Variants in ZNF517 observed in about 807,000 individuals in gnomAD.
ZNF517 encodes zinc finger protein 517.
Under a neutral mutation model 12.1 loss-of-function variants are expected in ZNF517, and 12 were observed. The observed-to-expected ratio is 0.99, with a 90% CI of 0.63 to 1.61. The LOEUF is 1.61. Among genes scored for constraint, ZNF517 ranks in the 40% most tolerant of loss-of-function variants. The pLI is 0.00. For synonymous variants in ZNF517, 388 were observed against 310.2 expected, an observed-to-expected ratio of 1.25 and a Z score of -2.63; for missense variants, 781 against 693.2, an observed-to-expected ratio of 1.13 and a Z score of -1.42.
At position 144,808,011 on chromosome 8, in the gene ZNF517, C is replaced by G; in HGVS notation, c.1095C>G (p.Asp365Glu). The G allele has an allele frequency of 1.3e-6, 2 of 1,575,764 alleles. No individual in the cohort carries two copies. Residue 365 changes from aspartate to glutamate, a missense_variant, in exon 5 of 5, where the codon GAC (aspartate) becomes GAG (glutamate). Physicochemically the swap from Asp to Glu is conservative, Grantham distance 45 (BLOSUM62 2). Coordinates refer to ENST00000359971, the MANE Select transcript of ZNF517 (RefSeq NM_213605.3). Reference protein sequence around the residue: ...LGAAQRPQAGDPPHECPVCGR... With the variant: ...LGAAQRPQAGEPPHECPVCGR... ...CTGCGCAGAGGCCCCAGGCGGGGGA[C>G]CCGCCCCACGAGTGCCCGGTGTGCG...
downstream of ZNF517, among the ~76,000 whole-genome samples, chr8:144,812,623 C>T (rs188476546): frequency 7.0e-4 from 107 of 152,342 alleles, no homozygotes; most frequent in Non-Finnish European, 1.4e-3. Flanking sequence ...CCGTGTCTCA[C>T]CAGGAGACTC....
At chr8:144,807,168 C>T in intron 4 of ZNF517, 23 bp from the exon 5 acceptor site, 1 of 1,513,620 alleles carries the variant, frequency 6.6e-7, no homozygotes, top group Non-Finnish European at 8.8e-7. Context: ...GATCATCCTT[C>T]CGTTTTCTGT....
intron 3 of ZNF517, 61 bp from the exon 4 acceptor site, chr8:144,804,064 C>G (rs1827103398): frequency 5.9e-6 from 9 of 1,515,618 alleles, no homozygotes; most frequent in African/African-American, 1.4e-5. Context: ...TCCAGCCAGG[C>G]ACCTGGGCGT....
In ZNF517 at chr8:144,807,574, C is replaced by T. The variant is rs376336312; in HGVS notation, c.658C>T (p.Leu220=). ...GAAGGCCTTCAAGCAAAGCTCCATCCTGCTGCGGCACCAGCTGATCCACAC... is the reference window on the plus strand; with the variant it reads ...GAAGGCCTTCAAGCAAAGCTCCATCTTGCTGCGGCACCAGCTGATCCACAC... The part of the protein sequence containing the change: ...CGKAFKQSSI[L]LRHQLIHTEE... The change falls in exon 5 of 5, where the codon CTG becomes TTG. Residue 220 remains leucine (L), a synonymous_variant. Coordinates refer to ENST00000359971, the MANE Select transcript of ZNF517 (RefSeq NM_213605.3). The T allele has an allele frequency of 3.4e-5, 55 of 1,602,176 alleles. 1 individual carries two copies. Among genetic ancestry groups the T allele is most frequent in the Middle Eastern group, 3.3e-4 (2 of 6,074 alleles).
chr8:144,798,961 CG>C (rs1259810693), intron 1 of ZNF517, 24 bp downstream of exon 1: 1 of 152,026 alleles, frequency 6.6e-6, no homozygotes, highest in Non-Finnish European at 1.5e-5. Flanking sequence ...GGCCGCGGGG[CG>C]GGGACTGGGA....
rs889005295 is a variant in ZNF517 at position 144,809,367 on chromosome 8, T to C, written c.*972T>C. 1 of 152,158 alleles carries C rather than the reference T, an allele frequency of 6.6e-6. No homozygotes were observed. Among genetic ancestry groups the C allele is most frequent in the East Asian group, 2.0e-4 (1 of 5,114 alleles). The allele number at this position is 152,158 out of a possible 1,614,324, so 9.4% of individuals were successfully genotyped here. ...CTGTACTTGGCAGCTGGCGAAGCAT[T>C]GTTTCTGAGTGTGTGAGGATGTTTT... is the stretch of plus-strand genomic sequence containing the variant. On this transcript the variant is annotated 3_prime_UTR_variant, in exon 5 of 5. Transcript: ENST00000359971.
rs1436090476 is a variant in ZNF517, at chr8:144,808,352, G to A, written c.1436G>A (p.Gly479Glu). The A allele has an allele frequency of 4.1e-6, 6 of 1,474,462 alleles. No homozygotes were observed. In the East Asian group the frequency reaches 1.5e-4, roughly 36 times the overall value. 91.3% of individuals were successfully genotyped at this position (1,474,462 alleles called of 1,614,324 possible). The stretch of plus-strand genomic sequence containing the variant: ...CAGAAGGTGCACGGCCGCGAGCCCG[G>A]GGAGGACACAGAGGGCAGGCGGGCG... ...QHQKVHGREP[G>E]EDTEGRRAPC... Residue 479 changes from glycine (G) to glutamate (E), a missense_variant, in exon 5 of 5, where the codon GGG becomes GAG. Physicochemically the swap from Gly to Glu is moderately conservative, Grantham distance 98 (BLOSUM62 -2). Transcript: ENST00000359971.
intron 2 of ZNF517, chr8:144,803,302 T>C: frequency 2.2e-6 from 1 of 454,808 alleles, no homozygotes; most frequent in Non-Finnish European, 4.0e-6. Context: ...GTGTTAGAAA[T>C]TGAGACCCAG....
rs1346689994 is a variant in ZNF517 at position 144,805,885 on chromosome 8, C to T, written c.275-1306C>T. Among the ~76,000 whole-genome samples the T allele has an allele frequency of 3.9e-5, 6 of 152,242 alleles. No individual in the cohort carries two copies. The East Asian group carries it at 1.2e-3, about 29-fold the overall frequency. On this transcript the variant is annotated intron_variant, in intron 4 of 4. Coordinates refer to ENST00000359971, the MANE Select transcript of ZNF517 (RefSeq NM_213605.3). Reference sequence around the variant, plus strand: ...TCCGCCGCCTCGGCCTCCCAGAGTGCTGGGATTACAGGCGTGAGCCACCAC... The same window carrying T: ...TCCGCCGCCTCGGCCTCCCAGAGTGTTGGGATTACAGGCGTGAGCCACCAC...
chr8:144,807,176 T>C lies in ZNF517; in HGVS notation c.275-15T>C. 1 of 1,515,150 alleles carries C rather than the reference T, an allele frequency of 6.6e-7. No homozygotes were observed. Among genetic ancestry groups the C allele is most frequent in the Non-Finnish European group, 8.8e-7 (1 of 1,132,928 alleles). The allele number at this position is 1,515,150 out of a possible 1,614,324, so 93.9% of individuals were successfully genotyped here. On this transcript the variant is annotated splice_polypyrimidine_tract_variant and intron_variant, in intron 4 of 4. Coordinates refer to ENST00000359971, the MANE Select transcript of ZNF517 (RefSeq NM_213605.3). ...GAGGCTGGATCATCCTTCCGTTTTC[T>C]GTTCCTTCTCTCAGATTCCAGGATG...
intron 1 of ZNF517, among the ~76,000 whole-genome samples, chr8:144,800,236 C>G (rs1826891112): frequency 6.6e-6 from 1 of 152,198 alleles, no homozygotes; most frequent in African/African-American, 2.4e-5. Context: ...CATTTTCTGT[C>G]TCAGCAACAG....
chr8:144,805,160 C>A (rs2954666), intron 4 of ZNF517, among the ~76,000 whole-genome samples: 5 of 152,160 alleles, frequency 3.3e-5, no homozygotes, highest in Non-Finnish European at 7.3e-5. Flanking sequence ...AAGTAACGGG[C>A]GTCTTCCCAG....
At chr8:144,802,161 G>T (rs777786748) in intron 1 of ZNF517, among the ~76,000 whole-genome samples, 14 of 152,182 alleles carry the variant, frequency 9.2e-5, no homozygotes, top group Non-Finnish European at 1.6e-4. Flanking sequence ...GTAGTAAAAT[G>T]CAAGAATGTT....
intron 1 of ZNF517, among the ~76,000 whole-genome samples, chr8:144,802,189 C>G (rs940202369): frequency 6.6e-6 from 1 of 152,178 alleles, no homozygotes; most frequent in Non-Finnish European, 1.5e-5. Flanking sequence ...GTTCCCACAA[C>G]ATGGTTTTAT....
At chr8:144,805,565 T>TG (rs1827184498) in intron 4 of ZNF517, among the ~76,000 whole-genome samples, 2 of 151,832 alleles carry the variant, frequency 1.3e-5, no homozygotes, top group African/African-American at 4.8e-5. Flanking sequence ...CTCCTGACCT[T>TG]GTGATCCACC....
At chr8:144,799,437 C>G (rs567700155) in intron 1 of ZNF517, among the ~76,000 whole-genome samples, 2 of 152,194 alleles carry the variant, frequency 1.3e-5, no homozygotes, top group East Asian at 3.9e-4. Context: ...GTGAGCGTTC[C>G]GGTGCTGGGG....
rs756876520 is a variant in ZNF517 at position 144,807,807 on chromosome 8, G to A, written c.891G>A (p.Ala297=). The change falls in exon 5 of 5, where the codon GCG becomes GCA. Residue 297 remains alanine (A), a synonymous_variant. Transcript: ENST00000359971. The part of the protein sequence containing the change: ...KPFACTECGK[A]FCRRFTLNEH... ...TCGCGTGCACAGAGTGCGGCAAGGC[G>A]TTCTGCCGCAGGTTCACCCTCAACG... 3 of 1,610,454 alleles carry A rather than the reference G, an allele frequency of 1.9e-6. No individual in the cohort carries two copies. Among genetic ancestry groups the A allele is most frequent in the African/African-American group, 2.7e-5 (2 of 74,744 alleles).
At position 144,809,997 on chromosome 8, in the gene ZNF517, G is replaced by A. The variant is rs191239012; in HGVS notation, c.*1602G>A. ...CAACCTGGGAGGTAGAGGTTGCAGT[G>A]AGCCGAGATCGAGCCACTGCACTCC... On this transcript the variant is annotated 3_prime_UTR_variant, in exon 5 of 5. Transcript: ENST00000359971. 2.3e-3 allele frequency: 1,008 copies of A among 446,278 alleles called. 2 individuals carry two copies. The highest frequency in any genetic ancestry group is 4.6e-3 in the Admixed American group (127 of 27,392). 27.6% of individuals were successfully genotyped at this position (446,278 alleles called of 1,614,324 possible).
In ZNF517 at chr8:144,807,928, C is replaced by T. The variant is rs1476207274; in HGVS notation, c.1012C>T (p.Leu338=). The T allele has an allele frequency of 6.6e-7, 1 of 1,512,802 alleles. No homozygotes were observed. The highest frequency in any genetic ancestry group is 8.8e-7 in the Non-Finnish European group (1 of 1,134,386). The allele number at this position is 1,512,802 out of a possible 1,614,324, so 93.7% of individuals were successfully genotyped here. Residue 338 remains leucine (L), a synonymous_variant, in exon 5 of 5, where the codon CTG becomes TTG. Transcript: ENST00000359971. ...GTCCTCGCTCCTGAAGCACCACCGG[C>T]TGCACGCGCAGGAGGGTGCCCAGGA... ...RGSSLLKHHR[L]HAQEGAQDGG... is the part of the protein sequence containing the mutation.
Sources: gnomAD v4.1 joint callset for allele counts (sites outside exome capture counted in the v4.1 genomes callset) on GRCh38, gnomAD v4.1.1 for gene constraint, MANE v1.5 for transcripts, NCBI Gene and HGNC (gene_info 2026-07-23, HGNC 2026-07-21) for gene names.